The following QRICH2 variants were observed in gnomAD, a reference collection of about 807,000 sequenced individuals.
QRICH2 encodes the protein glutamine rich 2.
A neutral mutation model predicts 168.3 loss-of-function variants in QRICH2; 119 were observed. The ratio of observed to expected loss-of-function variants is 0.71; its 90% CI spans 0.61 to 0.82. The LOEUF (loss-of-function observed/expected upper bound fraction) is 0.82, where lower values mean the gene tolerates loss of function less well. Among genes scored for constraint, QRICH2 ranks in the 40% least tolerant of loss-of-function variants. QRICH2 has a pLI of 0.00. For synonymous variants in QRICH2, 894 were observed against 951.2 expected (o/e 0.94, Z 1.11); for missense variants, 2,241 against 2,491.6 (o/e 0.90, Z 2.14).
intron 7 of QRICH2, among the ~76,000 whole-genome samples, chr17:76,282,928 G>C (rs2070815645): frequency 6.6e-6 from 1 of 152,230 alleles, no homozygotes; most frequent in Non-Finnish European, 1.5e-5. Flanking sequence ...GGTGGATTGA[G>C]AGTGGAATGG....
At chr17:76,287,043 AACACACACACACAC>A (rs56258903) in intron 7 of QRICH2, 135 bp downstream of exon 7, 71 of 203,208 alleles carry the variant, frequency 3.5e-4, no homozygotes, top group Admixed American at 1.2e-3. Context: ...CACACCACAT[AACACACACACACAC>A]ACACACACAC....
intron 5 of QRICH2, among the ~76,000 whole-genome samples, chr17:76,289,334 G>A (rs1330660385): frequency 6.6e-6 from 1 of 151,968 alleles, no homozygotes; most frequent in Non-Finnish European, 1.5e-5. Flanking sequence ...CTACAGGCAT[G>A]CACCACCATG....
rs2070984029 is a variant in QRICH2 at position 76,291,245 on chromosome 17, A to G, written c.3482T>C (p.Val1161Ala). 1 of 1,614,110 alleles carries G rather than the reference A, an allele frequency of 6.2e-7. No homozygotes were observed. The highest frequency in any genetic ancestry group is 8.5e-7 in the Non-Finnish European group (1 of 1,180,046). Residue 1161 changes from valine to alanine, a missense_variant, in exon 4 of 19, where the codon GTC becomes GCC. By Grantham distance (64) the Val-to-Ala change is moderately conservative. Transcript: ENST00000680821. ...GCTCCCTTCTGATAAGACTCGGTCGACGGAGTCTGGACTCCTGAAAAGAGT... is the reference window on the plus strand; with the variant it reads ...GCTCCCTTCTGATAAGACTCGGTCGGCGGAGTCTGGACTCCTGAAAAGAGT... Reference protein sequence around the residue: ...DVTLFRSPDSVDRVLSEGSEV... With the variant: ...DVTLFRSPDSADRVLSEGSEV...
At chr17:76,310,939 A>C (rs972753049), upstream of QRICH2, 3 of 152,156 alleles carry the variant, frequency 2.0e-5, no homozygotes, top group African/African-American at 7.2e-5. Flanking sequence ...GCAAGACAAC[A>C]AATTATTTTA....
chr17:76,306,058 T>C (rs2070985457), intron 1 of QRICH2, among the ~76,000 whole-genome samples: 1 of 148,724 alleles, frequency 6.7e-6, no homozygotes. Context: ...TAATCCTAGC[T>C]ACTCGGGAAG....
chr17:76,282,718 C>T (rs2070812383), intron 7 of QRICH2, among the ~76,000 whole-genome samples: 1 of 152,200 alleles, frequency 6.6e-6, no homozygotes, highest in African/African-American at 2.4e-5. Flanking sequence ...AGGCCCCATT[C>T]GTCACCCCAA....
chr17:76,292,376 G>C lies in QRICH2; in HGVS notation c.2351C>G (p.Pro784Arg). 3.7e-6 allele frequency: 6 copies of C among 1,602,742 alleles called. No homozygotes were observed. The highest frequency in any genetic ancestry group is 5.1e-6 in the Non-Finnish European group (6 of 1,174,758). Residue 784 changes from proline to arginine, a missense_variant, in exon 4 of 19, where the codon CCT becomes CGT. Pro to Arg is a moderately radical substitution (Grantham distance 103). Around this residue, in one of 3 missense-constraint regions of QRICH2, gnomAD observed 2,047 missense variants for 2,303.8 expected, o/e 0.89. Transcript: ENST00000680821. ...CACCAAACTACGCTGAACTTCACCA[G>C]GTTGTGCCAAACCATGCTGATCCAC... Reference protein sequence around the residue: ...PGVDQHGLAQPGEVQRSLVQP... With the variant: ...PGVDQHGLAQRGEVQRSLVQP...
Position 76,287,193 on chromosome 17 carries a change from T to G in QRICH2, c.4010A>C (p.Gln1337Pro). The change falls in exon 7 of 19, where the codon CAG becomes CCG. Residue 1337 changes from glutamine to proline, a missense_variant and splice_region_variant. By Grantham distance (76) the Gln-to-Pro change is moderately conservative. Transcript: ENST00000680821. ...AGCTAAAGAGTGGGGAATCCTCACC[T>G]GGTCCTGCAGGTAAAGGGAGGCTTC... ...VSEASLYLQD[Q>P]LDKLRMIIES... 6.2e-7 allele frequency: 1 copy of G among 1,609,786 alleles called. No homozygotes were observed. The highest frequency in any genetic ancestry group is 1.3e-5 in the African/African-American group (1 of 74,954).
intron 1 of QRICH2, among the ~76,000 whole-genome samples, chr17:76,306,097 G>T (rs575349190): frequency 7.1e-6 from 1 of 140,892 alleles, no homozygotes; most frequent in Admixed American, 7.8e-5. Context: ...TTGAACCCAG[G>T]AGATGGAGTT....
chr17:76,292,110 G>A lies in QRICH2; in HGVS notation c.2617C>T (p.Gln873Ter), dbSNP rs2071006416. The change falls in exon 4 of 19, where the codon CAA (glutamine) becomes TAA (stop). Residue 873 changes from glutamine (Q) to a stop codon, truncating the protein, a stop_gained. Transcript: ENST00000680821. LOFTEE classifies it high-confidence loss of function. ...AAACCACGCTGATCCACTCCAGGTT[G>A]CACCAAACCACGCTGATCCACTCCA... Reference protein sequence around the residue: ...QPGVDQRGLVQPGVDQRGLVQ... With the variant: ...QPGVDQRGLV 1 of 1,613,358 alleles carries A rather than the reference G, an allele frequency of 6.2e-7. No individual in the cohort carries two copies. The highest frequency in any genetic ancestry group is 1.3e-5 in the African/African-American group (1 of 74,872).
At chr17:76,282,242 C>T (rs2070803409) in intron 7 of QRICH2, 127 bp from the exon 8 acceptor site, 3 of 1,120,634 alleles carry the variant, frequency 2.7e-6, no homozygotes, top group Non-Finnish European at 3.7e-6. Context: ...GCTGCATCCT[C>T]AGTGCCTCCC....
upstream of QRICH2, chr17:76,308,477 C>A: frequency 1.0e-6 from 1 of 985,360 alleles, no homozygotes; most frequent in Non-Finnish European, 1.2e-6. Context: ...TCACTCTTGG[C>A]GGGGCCACAT....
chr17:76,291,993 C>T lies in QRICH2; in HGVS notation c.2734G>A (p.Val912Met), dbSNP rs1390365015. Residue 912 changes from valine (V) to methionine (M), a missense_variant, in exon 4 of 19, where the codon GTG becomes ATG. Physicochemically the swap from Val to Met is conservative, Grantham distance 21 (BLOSUM62 1). Around this residue, in one of 3 missense-constraint regions of QRICH2, gnomAD observed 2,047 missense variants for 2,303.8 expected, o/e 0.89. Coordinates refer to ENST00000680821, the MANE Select transcript of QRICH2 (RefSeq NM_001388453.1). ...CCTTGCTGACCTATTCCAGGCTGCA[C>T]CATACCCAGCTGACCTGCACCAGGC... is the stretch of plus-strand genomic sequence containing the variant. ...VQPGAGQLGM[V>M]QPGIGQQGMV... 1.9e-6 allele frequency: 3 copies of T among 1,614,196 alleles called. No homozygotes were observed. The highest frequency in any genetic ancestry group is 1.7e-6 in the Non-Finnish European group (2 of 1,180,042).
intron 7 of QRICH2, among the ~76,000 whole-genome samples, chr17:76,285,510 T>G (rs145750125): frequency 6.6e-6 from 1 of 151,324 alleles, no homozygotes; most frequent in African/African-American, 2.4e-5. Context: ...TCAAGTGATC[T>G]ACCTGCGTCG....
Position 76,292,193 on chromosome 17 carries a change from C to T in QRICH2, c.2534G>A (p.Gly845Asp). The change falls in exon 4 of 19, where the codon GGT (glycine) becomes GAT (aspartate). Residue 845 changes from glycine (G) to aspartate (D), a missense_variant. Physicochemically the swap from Gly to Asp is moderately conservative, Grantham distance 94. Transcript: ENST00000680821. ...GAVQRGLVQP[G>D]AVQHGLVQPG... The stretch of plus-strand genomic sequence containing the variant: ...TTGGACCAAACCATGCTGAACTGCA[C>T]CAGGTTGGACCAAACCACGCTGAAC... 6.6e-7 allele frequency: 1 copy of T among 1,524,074 alleles called. No individual in the cohort carries two copies. Among genetic ancestry groups the T allele is most frequent in the South Asian group, 1.2e-5 (1 of 84,128 alleles). 94.4% of individuals were successfully genotyped at this position (1,524,074 alleles called of 1,614,324 possible). A position where few individuals can be genotyped will look rare whatever the true frequency, so the allele number is the denominator to read the frequency against.
Position 76,307,513 on chromosome 17 carries a change from C to A in QRICH2, c.486G>T (p.Arg162=). Residue 162 remains arginine (R), a synonymous_variant, in exon 1 of 19, where the codon CGG becomes CGT. Transcript: ENST00000680821. This position sits in a 1 kb window ranked among gnomAD's most constrained non-coding sequence, Gnocchi z 5.3. Reference sequence around the variant, plus strand: ...CGGCGTCCTTCATGATACTCCCAGTCCGCACCCTATCGAACGCCCGCACGC... The same window carrying A: ...CGGCGTCCTTCATGATACTCCCAGTACGCACCCTATCGAACGCCCGCACGC... The part of the protein sequence containing the change: ...EVGVRAFDRV[R]TGSIMKDAAE... 1 of 1,613,498 alleles carries A rather than the reference C, an allele frequency of 6.2e-7. No homozygotes were observed. The highest frequency in any genetic ancestry group is 8.5e-7 in the Non-Finnish European group (1 of 1,179,716).
intron 7 of QRICH2, among the ~76,000 whole-genome samples, chr17:76,285,957 G>A (rs1434379483): frequency 1.3e-5 from 2 of 152,128 alleles, no homozygotes; most frequent in African/African-American, 2.4e-5. Flanking sequence ...CAGATCACAA[G>A]GTCAGGAGAT....
At chr17:76,309,163 G>A (rs2071037024), upstream of QRICH2, among the ~76,000 whole-genome samples, 1 of 146,958 alleles carries the variant, frequency 6.8e-6, no homozygotes, top group Admixed American at 6.7e-5. Flanking sequence ...TTCAAGGCCA[G>A]CCTAGCCAAC....
chr17:76,308,483 C>A (rs1256194353), upstream of QRICH2: 1 of 985,274 alleles, frequency 1.0e-6, no homozygotes, highest in Non-Finnish European at 1.2e-6. Context: ...TTGGCGGGGC[C>A]ACATAAGGAA....
Sources: gnomAD v4.1 joint callset for allele counts (sites outside exome capture counted in the v4.1 genomes callset) on GRCh38, gnomAD v4.1.1 for gene constraint, gnomAD v4.1.1 regional missense constraint, Gnocchi (gnomAD v3.1) non-coding constraint, MANE v1.5 for transcripts, NCBI Gene and HGNC (gene_info 2026-07-23, HGNC 2026-07-21) for gene names.